The following ARFIP1 variants were observed in gnomAD, a reference collection of about 807,000 sequenced individuals.
The protein encoded by ARFIP1 is ARF interacting protein 1.
In ARFIP1, 24 loss-of-function variants were observed where a neutral mutation model predicts 42.5. That is an observed-to-expected ratio of 0.57 (90% confidence interval 0.41 to 0.80). The LOEUF (loss-of-function observed/expected upper bound fraction) is 0.80. Among genes scored for constraint, ARFIP1 ranks in the 30% least tolerant of loss-of-function variants. The pLI, the probability that ARFIP1 is intolerant of heterozygous loss-of-function variation, is 0.00. For missense variants in ARFIP1, 354 were observed against 434.0 expected, an observed-to-expected ratio of 0.82 and a Z score of 1.64; for synonymous variants, 141 against 153.7, an observed-to-expected ratio of 0.92 and a Z score of 0.61.
chr4:152,824,669 A>G (rs553155995), intron 1 of ARFIP1, among the ~76,000 whole-genome samples: 1 of 152,334 alleles, frequency 6.6e-6, no homozygotes, highest in Admixed American at 6.5e-5. Flanking sequence ...TATTCAACAT[A>G]TTATAGTACT....
At position 152,868,953 on chromosome 4, in the gene ARFIP1, C is replaced by A. The variant is rs150249984; in HGVS notation, c.203-1800C>A. On this transcript the variant is annotated intron_variant, in intron 3 of 8. Transcript: ENST00000353617. ...ACTTCTCTGGGCTTCATTAATCTTA[C>A]CGTTTAATGTGACAGTTTAGTTGAT... 4.8e-3 allele frequency among the ~76,000 whole-genome samples: 726 copies of A among 152,224 alleles called. 20 individuals are homozygous for A. Among genetic ancestry groups the A allele is most frequent in the East Asian group, 9.2e-3 (48 of 5,192 alleles).
intron 8 of ARFIP1, 39 bp from the exon 9 acceptor site, chr4:152,910,025 G>A: frequency 6.3e-7 from 1 of 1,598,748 alleles, no homozygotes; most frequent in Non-Finnish European, 8.5e-7. Context: ...ATTGTTATTG[G>A]TGTTAATGCT....
intron 1 of ARFIP1, among the ~76,000 whole-genome samples, chr4:152,815,734 A>G (rs1350100578): frequency 7.6e-6 from 1 of 132,410 alleles, no homozygotes; most frequent in African/African-American, 2.8e-5. Context: ...TAATCTGACC[A>G]CTTCTTTTTT....
chr4:152,905,655 C>A (rs147139036), intron 8 of ARFIP1, among the ~76,000 whole-genome samples: 2,460 of 147,178 alleles, frequency 0.017, 73 homozygotes, highest in African/African-American at 0.059. Flanking sequence ...CGGGTTCAAG[C>A]GATTCTCCTG....
chr4:152,835,755 G>A (rs1008646642), intron 2 of ARFIP1, among the ~76,000 whole-genome samples: 5 of 152,152 alleles, frequency 3.3e-5, no homozygotes, highest in African/African-American at 9.7e-5. Flanking sequence ...ACATGAAACT[G>A]GGTAATTTAT....
rs2149919771 is a variant in ARFIP1 at position 152,910,357 on chromosome 4, C to G, written c.*138C>G. The G allele has an allele frequency of 1.0e-6, 1 of 987,216 alleles. No individual in the cohort carries two copies. Among genetic ancestry groups the G allele is most frequent in the African/African-American group, 1.6e-5 (1 of 60,716 alleles). The allele number at this position is 987,216 out of a possible 1,614,324, so 61.2% of individuals were successfully genotyped here. ...TTGCACAAACAGCTTTAATTTTTCC[C>G]TTTTTCATACTTTAACAATTGAACT... On this transcript the variant is annotated 3_prime_UTR_variant, in exon 9 of 9. Coordinates refer to ENST00000353617, the MANE Select transcript of ARFIP1 (RefSeq NM_001025595.3).
intron 8 of ARFIP1, among the ~76,000 whole-genome samples, chr4:152,892,893 C>T (rs983783735): frequency 6.6e-6 from 1 of 152,166 alleles, no homozygotes; most frequent in Admixed American, 6.5e-5. Flanking sequence ...AGACATAGCT[C>T]ATTTGTCTTC....
intron 1 of ARFIP1, chr4:152,796,075 G>C (rs4696156): frequency 0.41 from 297,495 of 717,212 alleles, 66,306 homozygotes; most frequent in Admixed American, 0.56. Context: ...AAACCAGTAA[G>C]ACTGCATTTA....
chr4:152,899,838 T>C (rs2149908247), intron 8 of ARFIP1, among the ~76,000 whole-genome samples: 1 of 152,296 alleles, frequency 6.6e-6, no homozygotes, highest in African/African-American at 2.4e-5. Context: ...ATAATACCTA[T>C]ATCTGTATAA....
At chr4:152,796,735 C>T in intron 1 of ARFIP1, 1 of 791,776 alleles carries the variant, frequency 1.3e-6, no homozygotes, top group South Asian at 1.3e-5. Context: ...CTTCTTTGAA[C>T]ATTCTTGAGC....
intron 1 of ARFIP1, among the ~76,000 whole-genome samples, chr4:152,822,791 C>G (rs999774159): frequency 3.9e-5 from 6 of 152,192 alleles, no homozygotes; most frequent in African/African-American, 1.4e-4. Context: ...TGGAAATGAA[C>G]AATCTGCTCT....
chr4:152,829,812 T>C, intron 2 of ARFIP1, 86 bp downstream of exon 2: 2 of 1,070,408 alleles, frequency 1.9e-6, no homozygotes, highest in Non-Finnish European at 2.6e-6. Context: ...AAATTTAATA[T>C]AGGATTGTTT....
At chr4:152,857,872 A>AC (rs1232096490) in intron 2 of ARFIP1, among the ~76,000 whole-genome samples, 1 of 151,640 alleles carries the variant, frequency 6.6e-6, no homozygotes, top group Non-Finnish European at 1.5e-5. Context: ...CTATGTCCCC[A>AC]CCCCCCAGAA....
Position 152,911,947 on chromosome 4 carries a change from C to G in ARFIP1, c.*1728C>G, listed in dbSNP as rs1738882451. 1 of 152,346 alleles carries G rather than the reference C, an allele frequency of 6.6e-6. No individual in the cohort carries two copies. Among genetic ancestry groups the G allele is most frequent in the African/African-American group, 2.4e-5 (1 of 41,370 alleles). 9.4% of individuals were successfully genotyped at this position (152,346 alleles called of 1,614,324 possible). Reference sequence around the variant, plus strand: ...TGGACCTTCATAGTTTAAGAAGTAACTATTTGGAAATTCTGAAGACACATA... The same window carrying G: ...TGGACCTTCATAGTTTAAGAAGTAAGTATTTGGAAATTCTGAAGACACATA... On this transcript the variant is annotated 3_prime_UTR_variant, in exon 9 of 9. Coordinates refer to ENST00000353617, the MANE Select transcript of ARFIP1 (RefSeq NM_001025595.3).
chr4:152,867,119 C>T (rs1473314858), intron 3 of ARFIP1, among the ~76,000 whole-genome samples: 2 of 152,058 alleles, frequency 1.3e-5, no homozygotes, highest in Admixed American at 6.5e-5. Context: ...GCTGCAATCT[C>T]GGCACTTTGG....
chr4:152,846,033 T>C lies in ARFIP1; in HGVS notation c.93+16307T>C, dbSNP rs549611759. Among the ~76,000 whole-genome samples the C allele has an allele frequency of 8.2e-4, 125 of 152,298 alleles. 1 individual carries two copies. The highest frequency in any genetic ancestry group is 6.8e-3 in the Middle Eastern group (2 of 294). ...AGCCATAAAAAAGAACAACATTATG[T>C]CTTTTGCAGGAACATGGATGCAACT... On this transcript the variant is annotated intron_variant, in intron 2 of 8. Transcript: ENST00000353617.
At chr4:152,903,894 A>C (rs918108190) in intron 8 of ARFIP1, among the ~76,000 whole-genome samples, 2 of 151,974 alleles carry the variant, frequency 1.3e-5, no homozygotes, top group Non-Finnish European at 2.9e-5. Context: ...GCTAGTTAAA[A>C]ATTTTTGGAT....
intron 1 of ARFIP1, among the ~76,000 whole-genome samples, chr4:152,805,343 C>A (rs1728919069): frequency 6.6e-6 from 1 of 152,142 alleles, no homozygotes; most frequent in Non-Finnish European, 1.5e-5. Context: ...TATAGAATTG[C>A]CTGGAGCATT....
At chr4:152,900,204 G>C (rs1319830042) in intron 8 of ARFIP1, among the ~76,000 whole-genome samples, 1 of 152,070 alleles carries the variant, frequency 6.6e-6, no homozygotes. Context: ...AACTAACACT[G>C]TAAAAACATA....
Sources: gnomAD v4.1 joint callset for allele counts (sites outside exome capture counted in the v4.1 genomes callset) on GRCh38, gnomAD v4.1.1 for gene constraint, MANE v1.5 for transcripts, NCBI Gene and HGNC (gene_info 2026-07-23, HGNC 2026-07-21) for gene names.